EFHD1: variants seen among roughly 807,000 people sequenced by gnomAD.
The protein encoded by EFHD1 is EF-hand domain family member D1.
A neutral mutation model predicts 17.2 loss-of-function variants in EFHD1; 10 were observed. The ratio of observed to expected loss-of-function variants is 0.58; its 90% CI spans 0.36 to 0.99. The LOEUF (loss-of-function observed/expected upper bound fraction) is 0.99, where lower values mean the gene tolerates loss of function less well. EFHD1 is among the 50% of genes least tolerant of loss of function. The pLI, the probability that EFHD1 is intolerant of heterozygous loss-of-function variation, is 0.01. For synonymous variants in EFHD1, 153 were observed against 142.0 expected, an observed-to-expected ratio of 1.08 and a Z score of -0.55; for missense variants, 310 against 327.5, an observed-to-expected ratio of 0.95 and a Z score of 0.41.
chr2:232,670,956 A>T (rs1014464115), intron 2 of EFHD1, among the ~76,000 whole-genome samples: 4 of 152,216 alleles, frequency 2.6e-5, no homozygotes, highest in African/African-American at 9.6e-5. Context: ...TTTAGTTTTT[A>T]AAAAATAGTA....
At chr2:232,675,246 G>GAAAGAAAAGAAAAGA (rs71056291) in intron 3 of EFHD1, among the ~76,000 whole-genome samples, 16 of 149,282 alleles carry the variant, frequency 1.1e-4, no homozygotes, top group African/African-American at 4.0e-4. Flanking sequence ...AGAAAGAAAA[G>GAAAGAAAAGAAAAGA]AAAGAAAAGA....
intron 1 of EFHD1, among the ~76,000 whole-genome samples, chr2:232,621,942 C>T (rs1314193305): frequency 6.6e-6 from 1 of 152,202 alleles, no homozygotes; most frequent in African/African-American, 2.4e-5. Flanking sequence ...TTTATTATTA[C>T]CAGAACTCAA....
chr2:232,681,880 C>G lies in EFHD1; in HGVS notation c.*161C>G. 8.5e-7 allele frequency: 1 copy of G among 1,182,382 alleles called. No homozygotes were observed. Among genetic ancestry groups the G allele is most frequent in the African/African-American group, 1.5e-5 (1 of 64,618 alleles). 73.2% of individuals were successfully genotyped at this position (1,182,382 alleles called of 1,614,324 possible). On this transcript the variant is annotated 3_prime_UTR_variant, in exon 4 of 4. Transcript: ENST00000264059. ...TGCCAGCCTTCATTCCTCCCAGTGTCCAAGCCCCTCCAGGAGGGTCCTGGG... is the reference window on the plus strand; with the variant it reads ...TGCCAGCCTTCATTCCTCCCAGTGTGCAAGCCCCTCCAGGAGGGTCCTGGG...
chr2:232,614,057 T>TACACATGCACACACACACATATAC (rs1553594264), intron 1 of EFHD1, among the ~76,000 whole-genome samples: 3 of 149,892 alleles, frequency 2.0e-5, no homozygotes, highest in African/African-American at 7.5e-5. Flanking sequence ...CACACATACA[T>TACACATGCACACACACACATATAC]ACACATGCAC....
chr2:232,666,657 G>A (rs1694971704), intron 2 of EFHD1, among the ~76,000 whole-genome samples: 1 of 152,204 alleles, frequency 6.6e-6, no homozygotes, highest in African/African-American at 2.4e-5. Context: ...AATCTCCAAA[G>A]GGTTCCTGTG....
At chr2:232,634,375 C>G (rs1022715044) in intron 1 of EFHD1, among the ~76,000 whole-genome samples, 49 of 152,364 alleles carry the variant, frequency 3.2e-4, no homozygotes, top group African/African-American at 1.2e-3. Flanking sequence ...CACCTGCCAG[C>G]TTTCACTGTA....
chr2:232,681,608 T>C lies in EFHD1; in HGVS notation c.609T>C (p.Ser203=), dbSNP rs1695283042. Residue 203 remains serine, a synonymous_variant, in exon 4 of 4, where the codon AGT becomes AGC. Coordinates refer to ENST00000264059, the MANE Select transcript of EFHD1 (RefSeq NM_025202.4). The part of the protein sequence containing the change: ...EAKVQALSSA[S]KFEAELKAEQ... ...AGGTCCAAGCCTTGTCATCGGCCAG[T>C]AAGTTTGAAGCAGAGTTGAAAGCTG... 3.7e-6 allele frequency: 6 copies of C among 1,614,158 alleles called. 1 individual carries two copies. In the African/African-American group the frequency reaches 6.7e-5, roughly 18 times the overall value.
intron 1 of EFHD1, among the ~76,000 whole-genome samples, chr2:232,661,294 A>G (rs1238600729): frequency 6.6e-6 from 1 of 152,116 alleles, no homozygotes; most frequent in East Asian, 1.9e-4. Context: ...ATCTCTATCC[A>G]TTGAACACTA....
At chr2:232,619,585 C>A (rs994206457) in intron 1 of EFHD1, among the ~76,000 whole-genome samples, 1 of 152,064 alleles carries the variant, frequency 6.6e-6, no homozygotes, top group Admixed American at 6.6e-5. Context: ...GCTGGAATTA[C>A]GGGTGTGAGC....
intron 1 of EFHD1, among the ~76,000 whole-genome samples, chr2:232,622,345 T>G (rs1694031957): frequency 6.6e-6 from 1 of 152,178 alleles, no homozygotes; most frequent in Admixed American, 6.5e-5. Context: ...GGCGGACGCC[T>G]GTAATCCCAG....
intron 3 of EFHD1, among the ~76,000 whole-genome samples, chr2:232,674,763 G>A (rs1695139817): frequency 6.6e-6 from 1 of 152,154 alleles, no homozygotes; most frequent in African/African-American, 2.4e-5. Flanking sequence ...GCCGCCATTT[G>A]TGACAGATGT....
chr2:232,608,095 C>T (rs1426432237), intron 1 of EFHD1, among the ~76,000 whole-genome samples: 3 of 152,254 alleles, frequency 2.0e-5, no homozygotes, highest in African/African-American at 4.8e-5. Context: ...GTAGGCCGGG[C>T]GTGGTGGCTC....
chr2:232,637,615 A>C (rs1046833193), intron 1 of EFHD1, among the ~76,000 whole-genome samples: 1 of 152,102 alleles, frequency 6.6e-6, no homozygotes, highest in Non-Finnish European at 1.5e-5. Flanking sequence ...AAACGCTGGG[A>C]TTACAGGCGT....
At chr2:232,622,401 G>A (rs537990456) in intron 1 of EFHD1, among the ~76,000 whole-genome samples, 52 of 151,844 alleles carry the variant, frequency 3.4e-4, no homozygotes, top group African/African-American at 1.1e-3. Context: ...CCTGGGAGGC[G>A]GAGGTTGCAG....
At chr2:232,613,645 T>TACAAATAC (rs1693850207) in intron 1 of EFHD1, among the ~76,000 whole-genome samples, 1 of 132,492 alleles carries the variant, frequency 7.5e-6, no homozygotes. Context: ...TACACACACA[T>TACAAATAC]ACACACACAC....
intron 3 of EFHD1, among the ~76,000 whole-genome samples, chr2:232,678,271 GAAAAA>G (rs200975760): frequency 2.2e-5 from 3 of 134,482 alleles, no homozygotes; most frequent in African/African-American, 5.5e-5. Context: ...ATCTCAAAAA[GAAAAA>G]AAAAAAGAAT....
At chr2:232,664,615 T>G (rs1559353796) in intron 2 of EFHD1, among the ~76,000 whole-genome samples, 1 of 135,694 alleles carries the variant, frequency 7.4e-6, no homozygotes. Flanking sequence ...AGTTTTTTTT[T>G]TTTTTTTTTT....
At chr2:232,636,296 C>T (rs1255068551) in intron 1 of EFHD1, among the ~76,000 whole-genome samples, 2 of 152,164 alleles carry the variant, frequency 1.3e-5, no homozygotes, top group African/African-American at 4.8e-5. Flanking sequence ...GTTCAAACCC[C>T]AGCCCCACCA....
chr2:232,629,171 A>G (rs1021398888), upstream of EFHD1, among the ~76,000 whole-genome samples: 1 of 152,240 alleles, frequency 6.6e-6, no homozygotes, highest in Non-Finnish European at 1.5e-5. Context: ...TCTGTGAGCA[A>G]AATAAATGTT....
Sources: allele counts gnomAD v4.1 joint callset (sites outside exome capture counted in the v4.1 genomes callset), GRCh38; gene constraint gnomAD v4.1.1; transcripts MANE v1.5; gene names NCBI Gene and HGNC (gene_info 2026-07-23, HGNC 2026-07-21).